MATCAP2: variants seen among roughly 807,000 people sequenced by gnomAD.
MATCAP2 encodes the protein microtubule associated tyrosine carboxypeptidase 2.
chr7:36,362,839 C>G, the MATCAP2 span, among the ~76,000 whole-genome samples: 1 of 152,206 alleles, frequency 6.6e-6, no homozygotes, highest in South Asian at 2.1e-4. Context: ...GGTCAGGAAG[C>G]CTTCCTTAAC....
the MATCAP2 span, chr7:36,355,660 G>C: frequency 2.6e-5 from 4 of 152,154 alleles, no homozygotes; most frequent in African/African-American, 7.2e-5. Context: ...TCTGCTGGCC[G>C]CAAGACCAAA....
the MATCAP2 span, chr7:36,357,686 C>T: frequency 1.1e-6 from 1 of 941,004 alleles, no homozygotes; most frequent in East Asian, 2.6e-5. Flanking sequence ...ATTCTATAAA[C>T]TTCGTAATTT....
chr7:36,349,565 C>T, the MATCAP2 span, among the ~76,000 whole-genome samples: 4 of 152,076 alleles, frequency 2.6e-5, no homozygotes, highest in Admixed American at 2.0e-4. Flanking sequence ...CTTGTATTCT[C>T]GGCTGAATTT....
chr7:36,324,410 A>G, the MATCAP2 span: 9 of 152,236 alleles, frequency 5.9e-5, no homozygotes, highest in Non-Finnish European at 1.2e-4. Context: ...CTAACAGTTT[A>G]CCAGAATTTG....
At chr7:36,331,316 G>A in the MATCAP2 span, among the ~76,000 whole-genome samples, 25 of 152,114 alleles carry the variant, frequency 1.6e-4, no homozygotes, top group East Asian at 3.9e-4. Flanking sequence ...CATCCTCCCC[G>A]TTATTAAAAT....
chr7:36,382,613 C>T, the MATCAP2 span, among the ~76,000 whole-genome samples: 2 of 152,130 alleles, frequency 1.3e-5, no homozygotes, highest in African/African-American at 4.8e-5. Flanking sequence ...CTGCCTCAGC[C>T]TTCCAAGTAG....
At chr7:36,371,167 A>G in the MATCAP2 span, among the ~76,000 whole-genome samples, 1 of 151,834 alleles carries the variant, frequency 6.6e-6, no homozygotes, top group Admixed American at 6.6e-5. Context: ...GTGCAATGGC[A>G]TGATCATGGT....
chr7:36,330,053 T>A, the MATCAP2 span, among the ~76,000 whole-genome samples: 9 of 30,618 alleles, frequency 2.9e-4, no homozygotes, highest in African/African-American at 3.8e-4. Flanking sequence ...TTTTTTTTTT[T>A]ATTTTTATTT....
At chr7:36,327,145 A>G in the MATCAP2 span, among the ~76,000 whole-genome samples, 1 of 151,948 alleles carries the variant, frequency 6.6e-6, no homozygotes, top group Non-Finnish European at 1.5e-5. Flanking sequence ...TATTATTATT[A>G]TTTTTTTCCT....
the MATCAP2 span, among the ~76,000 whole-genome samples, chr7:36,380,850 C>T: frequency 6.6e-6 from 1 of 152,352 alleles, no homozygotes; most frequent in South Asian, 2.1e-4. Flanking sequence ...CTGCCTTAGC[C>T]TCCCAAGTAG....
At chr7:36,331,753 A>AGT in the MATCAP2 span, among the ~76,000 whole-genome samples, 2 of 152,236 alleles carry the variant, frequency 1.3e-5, no homozygotes, top group Non-Finnish European at 2.9e-5. Flanking sequence ...CTGTTTACAC[A>AGT]GTGAACCTTT....
the MATCAP2 span, among the ~76,000 whole-genome samples, chr7:36,380,402 G>A: frequency 6.6e-6 from 1 of 152,178 alleles, no homozygotes; most frequent in Non-Finnish European, 1.5e-5. Context: ...AACATTAATG[G>A]TCCAGTGGAA....
chr7:36,362,120 CTTTA>C, the MATCAP2 span, among the ~76,000 whole-genome samples: 1 of 152,144 alleles, frequency 6.6e-6, no homozygotes, highest in Admixed American at 6.5e-5. Context: ...GACTTGTAGA[CTTTA>C]TTTAAGTTAC....
chr7:36,355,701 G>C, the MATCAP2 span: 1 of 152,136 alleles, frequency 6.6e-6, no homozygotes, highest in Non-Finnish European at 1.5e-5. Flanking sequence ...GCTAAAATAG[G>C]ACATGCACCA....
the MATCAP2 span, among the ~76,000 whole-genome samples, chr7:36,340,090 C>T: frequency 2.0e-5 from 3 of 152,222 alleles, no homozygotes; most frequent in African/African-American, 7.2e-5. Context: ...TCTCGAACTC[C>T]TGGCCTCAAG....
chr7:36,381,603 G>A, the MATCAP2 span, among the ~76,000 whole-genome samples: 11 of 151,382 alleles, frequency 7.3e-5, no homozygotes, highest in Admixed American at 2.6e-4. Context: ...TCTGGGAGGC[G>A]GAGGTTGCAG....
the MATCAP2 span, among the ~76,000 whole-genome samples, chr7:36,373,227 C>T: frequency 1.3e-5 from 2 of 151,744 alleles, 1 homozygote; most frequent in East Asian, 3.9e-4. Flanking sequence ...AGAACTTATA[C>T]TGGGAGAAAA....
chr7:36,365,554 G>C, the MATCAP2 span, among the ~76,000 whole-genome samples: 1 of 152,134 alleles, frequency 6.6e-6, no homozygotes, highest in Non-Finnish European at 1.5e-5. Flanking sequence ...ACAAAAATCC[G>C]GCGGGCGTGG....
At chr7:36,387,017 G>A in the MATCAP2 span, among the ~76,000 whole-genome samples, 1 of 152,090 alleles carries the variant, frequency 6.6e-6, no homozygotes, top group South Asian at 2.1e-4. Flanking sequence ...AGGATAATGG[G>A]TACATAAATT....
Sources: gnomAD v4.1 joint callset for allele counts (sites outside exome capture counted in the v4.1 genomes callset) on GRCh38, gnomAD v4.1.1 for gene constraint, MANE v1.5 for transcripts, NCBI Gene and HGNC (gene_info 2026-07-23, HGNC 2026-07-21) for gene names.